MRPS17: variants seen among roughly 807,000 people sequenced by gnomAD.
MRPS17 encodes small ribosomal subunit protein uS17m.
In MRPS17, 6 loss-of-function variants were observed where a neutral mutation model predicts 11.3. The ratio of observed to expected loss-of-function variants is 0.53; its 90% CI spans 0.29 to 1.05. MRPS17 has a LOEUF of 1.05. MRPS17 is among the 50% of genes least tolerant of loss of function. The pLI is 0.08. For synonymous variants in MRPS17, 56 were observed against 60.4 expected, an observed-to-expected ratio of 0.93 and a Z score of 0.34; for missense variants, 139 against 153.6, an observed-to-expected ratio of 0.90 and a Z score of 0.50.
At chr7:55,953,381 C>CA (rs1458315380) in intron 2 of MRPS17, 63 bp downstream of exon 2, 5 of 1,581,332 alleles carry the variant, frequency 3.2e-6, no homozygotes, top group South Asian at 1.2e-5. Context: ...GGGTCCTAAG[C>CA]AAAAAAACAT....
chr7:55,953,953 TC>T (rs2116305007), intron 2 of MRPS17, among the ~76,000 whole-genome samples: 1 of 152,254 alleles, frequency 6.6e-6, no homozygotes, highest in African/African-American at 2.4e-5. Flanking sequence ...GCGGCCCTGT[TC>T]CTAACAGGCC....
chr7:55,955,398 A>C lies in MRPS17; in HGVS notation c.*220A>C. On this transcript the variant is annotated 3_prime_UTR_variant, in exon 3 of 3. Coordinates refer to ENST00000285298, the MANE Select transcript of MRPS17 (RefSeq NM_015969.3). ...TTCAGTGAACATACTTCCACGTTACATTAAGTGTGCCTAGCAGTCTGTTGC... is the reference window on the plus strand; with the variant it reads ...TTCAGTGAACATACTTCCACGTTACCTTAAGTGTGCCTAGCAGTCTGTTGC... 1.7e-6 allele frequency: 1 copy of C among 573,842 alleles called. No homozygotes were observed. The highest frequency in any genetic ancestry group is 3.0e-6 in the Non-Finnish European group (1 of 328,090). 35.5% of individuals were successfully genotyped at this position (573,842 alleles called of 1,614,324 possible).
intron 1 of MRPS17, 68 bp from the exon 2 acceptor site, chr7:55,953,111 G>C: frequency 6.4e-7 from 1 of 1,569,264 alleles, no homozygotes; most frequent in Non-Finnish European, 8.7e-7. Context: ...AACCTGGACA[G>C]TTCTTGTGAC....
rs527256975 is a variant in MRPS17 at position 55,955,002 on chromosome 7, C to T, written c.217C>T (p.Arg73Ter). ...IVLLRALPVPRAKHVKHELAE... is the reference protein window; with the variant it reads ...IVLLRALPVP ...GCTTCTCAGAGCTTTACCTGTTCCA[C>T]GAGCAAAGCATGTGAAACATGAACT... Residue 73 changes from arginine to a stop codon, truncating the protein, a stop_gained, in exon 3 of 3, where the codon CGA (arginine) becomes TGA (stop). Coordinates refer to ENST00000285298, the MANE Select transcript of MRPS17 (RefSeq NM_015969.3). LOFTEE classifies it high-confidence loss of function. 3.7e-6 allele frequency: 6 copies of T among 1,614,086 alleles called. No homozygotes were observed. The highest frequency in any genetic ancestry group is 1.1e-5 in the South Asian group (1 of 91,088).
chr7:55,954,227 T>G (rs894180496), intron 2 of MRPS17, among the ~76,000 whole-genome samples: 3 of 152,106 alleles, frequency 2.0e-5, no homozygotes, highest in Non-Finnish European at 2.9e-5. Context: ...TGGTTTCACA[T>G]CCAAAGTTCA....
chr7:55,954,863 G>A (rs1786703226), intron 2 of MRPS17, 46 bp from the exon 3 acceptor site: 2 of 1,588,544 alleles, frequency 1.3e-6, no homozygotes, highest in Non-Finnish European at 1.7e-6. Context: ...ACATTACCAG[G>A]TCACAGATGG....
chr7:55,955,072 C>T lies in MRPS17; in HGVS notation c.287C>T (p.Thr96Ile). ...FKVGKVIDPVTGKPCAGTTYL... is the reference protein window; with the variant it reads ...FKVGKVIDPVIGKPCAGTTYL... ...GTTGGAAAAGTCATAGATCCAGTGA[C>T]AGGAAAGCCCTGTGCTGGAACTACC... Residue 96 changes from threonine (T) to isoleucine (I), a missense_variant, in exon 3 of 3, where the codon ACA (threonine) becomes ATA (isoleucine). Coordinates refer to ENST00000285298, the MANE Select transcript of MRPS17 (RefSeq NM_015969.3). 1.2e-6 allele frequency: 2 copies of T among 1,614,152 alleles called. No homozygotes were observed. The highest frequency in any genetic ancestry group is 1.7e-6 in the Non-Finnish European group (2 of 1,180,040).
chr7:55,953,090 G>C (rs1786671252), intron 1 of MRPS17, 89 bp from the exon 2 acceptor site: 1 of 1,438,698 alleles, frequency 7.0e-7, no homozygotes, highest in Non-Finnish European at 9.4e-7. Context: ...GAAAAAAACT[G>C]TTTCTGGACT....
chr7:55,956,051 G>C lies in MRPS17; in HGVS notation c.*873G>C, dbSNP rs1209116570. Reference sequence around the variant, plus strand: ...TGGGATTACAGGCCTGAGCCACTGTGCCCAGCCGGTTTCCTTTATTTCATT... The same window carrying C: ...TGGGATTACAGGCCTGAGCCACTGTCCCCAGCCGGTTTCCTTTATTTCATT... On this transcript the variant is annotated 3_prime_UTR_variant, in exon 3 of 3. Transcript: ENST00000285298. 1.3e-5 allele frequency: 2 copies of C among 152,018 alleles called. No individual in the cohort carries two copies. The highest frequency in any genetic ancestry group is 2.9e-5 in the Non-Finnish European group (2 of 68,034). 9.4% of individuals were successfully genotyped at this position (152,018 alleles called of 1,614,324 possible). A position where few individuals can be genotyped will look rare whatever the true frequency, so the allele number is the denominator to read the frequency against.
chr7:55,955,147 T>C lies in MRPS17; in HGVS notation c.362T>C (p.Leu121Pro). 6.2e-7 allele frequency: 1 copy of C among 1,614,156 alleles called. No homozygotes were observed. Among genetic ancestry groups the C allele is most frequent in the East Asian group, 2.2e-5 (1 of 44,874 alleles). ...SSETTQLSKN[L>P]EELNISSAQ ...GAAACCACCCAGCTAAGCAAAAATC[T>C]GGAAGAACTCAATATCTCTTCAGCA... is the stretch of plus-strand genomic sequence containing the variant. Residue 121 changes from leucine (L) to proline (P), a missense_variant, in exon 3 of 3, where the codon CTG (leucine) becomes CCG (proline). Transcript: ENST00000285298.
Position 55,955,008 on chromosome 7 carries a change from A to G in MRPS17, c.223A>G (p.Lys75Glu), listed in dbSNP as rs2116306825. Residue 75 changes from lysine to glutamate, a missense_variant, in exon 3 of 3, where the codon AAG (lysine) becomes GAG (glutamate). By Grantham distance (56) the Lys-to-Glu change is moderately conservative. Transcript: ENST00000285298. The stretch of plus-strand genomic sequence containing the variant: ...CAGAGCTTTACCTGTTCCACGAGCA[A>G]AGCATGTGAAACATGAACTGGCTGA... ...LLRALPVPRAKHVKHELAEIV... is the reference protein window; with the variant it reads ...LLRALPVPRAEHVKHELAEIV... The G allele has an allele frequency of 2.5e-6, 4 of 1,614,144 alleles. No homozygotes were observed. In the East Asian group the frequency reaches 8.9e-5, roughly 36 times the overall value.
Position 55,955,471 on chromosome 7 carries a change from T to A in MRPS17, c.*293T>A, listed in dbSNP as rs574322066. 70 of 330,436 alleles carry A rather than the reference T, an allele frequency of 2.1e-4. No homozygotes were observed. Among genetic ancestry groups the A allele is most frequent in the Middle Eastern group, 2.0e-3 (2 of 980 alleles). The allele number at this position is 330,436 out of a possible 1,614,324, so 20.5% of individuals were successfully genotyped here. A position where few individuals can be genotyped will look rare whatever the true frequency, so the allele number is the denominator to read the frequency against. ...TGTTTTGAGATGGAATCTCACTCTG[T>A]CACCCAGGCTGGAGTGCAGTGGTGC... On this transcript the variant is annotated 3_prime_UTR_variant, in exon 3 of 3. Transcript: ENST00000285298.
chr7:55,952,993 C>T (rs1460937119), intron 1 of MRPS17, among the ~76,000 whole-genome samples, 186 bp from the exon 2 acceptor site: 3 of 152,040 alleles, frequency 2.0e-5, no homozygotes, highest in African/African-American at 7.2e-5. Context: ...GATCGCACCA[C>T]CGCACTCCAG....
Position 55,955,068 on chromosome 7 carries a change from G to C in MRPS17, c.283G>C (p.Val95Leu), listed in dbSNP as rs781487601. The change falls in exon 3 of 3, where the codon GTG (valine) becomes CTG (leucine). Residue 95 changes from valine to leucine, a missense_variant. Physicochemically the swap from Val to Leu is conservative, Grantham distance 32 (BLOSUM62 1). Coordinates refer to ENST00000285298, the MANE Select transcript of MRPS17 (RefSeq NM_015969.3). ...VFKVGKVIDPVTGKPCAGTTY... is the reference protein window; with the variant it reads ...VFKVGKVIDPLTGKPCAGTTY... The stretch of plus-strand genomic sequence containing the variant: ...CAAAGTTGGAAAAGTCATAGATCCA[G>C]TGACAGGAAAGCCCTGTGCTGGAAC... 8.7e-6 allele frequency: 14 copies of C among 1,614,160 alleles called. No individual in the cohort carries two copies. The East Asian group carries it at 3.1e-4, about 36-fold the overall frequency.
intron 1 of MRPS17, among the ~76,000 whole-genome samples, chr7:55,952,906 C>T (rs1441484087): frequency 1.3e-5 from 2 of 151,566 alleles, no homozygotes; most frequent in Non-Finnish European, 2.9e-5. Flanking sequence ...GTGGCGGGCG[C>T]CTGTAGTCCC....
chr7:55,953,212 C>T lies in MRPS17; in HGVS notation c.17C>T (p.Ser6Leu). Residue 6 changes from serine (S) to leucine (L), a missense_variant, in exon 2 of 3, where the codon TCA becomes TTA. By Grantham distance (145) the Ser-to-Leu change is moderately radical (BLOSUM62 -2). Transcript: ENST00000285298. ...AGCCACGTAATGTCCGTAGTTCGCTCATCCGTCCATGCCAGATGGATTGTG... is the reference window on the plus strand; with the variant it reads ...AGCCACGTAATGTCCGTAGTTCGCTTATCCGTCCATGCCAGATGGATTGTG... Reference protein sequence around the residue: MSVVRSSVHARWIVGK... With the variant: MSVVRLSVHARWIVGK... 2.5e-6 allele frequency: 4 copies of T among 1,614,150 alleles called. No homozygotes were observed. Among genetic ancestry groups the T allele is most frequent in the Non-Finnish European group, 3.4e-6 (4 of 1,180,022 alleles).
At chr7:55,952,238 G>A (rs1239996491) in intron 1 of MRPS17, 2 of 152,332 alleles carry the variant, frequency 1.3e-5, no homozygotes, top group African/African-American at 4.8e-5. Context: ...GCGGGGTGGA[G>A]AGAGATAAGG....
rs535223821 is a variant in MRPS17, at chr7:55,956,202, G to A, written c.*1024G>A. On this transcript the variant is annotated 3_prime_UTR_variant, in exon 3 of 3. Coordinates refer to ENST00000285298, the MANE Select transcript of MRPS17 (RefSeq NM_015969.3). ...CAATGGCATGATCTCAGCCCACCAC[G>A]ACCTCCGCCTCCCAGGTTCAAGTGA... The A allele has an allele frequency of 6.6e-6, 1 of 151,162 alleles. No individual in the cohort carries two copies. The highest frequency in any genetic ancestry group is 2.1e-4 in the South Asian group (1 of 4,774). The allele number at this position is 151,162 out of a possible 1,614,324, so 9.4% of individuals were successfully genotyped here. A position where few individuals can be genotyped will look rare whatever the true frequency, so the allele number is the denominator to read the frequency against.
In MRPS17 at chr7:55,955,500, C is replaced by T. The variant is rs1270190844; in HGVS notation, c.*322C>T. On this transcript the variant is annotated 3_prime_UTR_variant, in exon 3 of 3. Coordinates refer to ENST00000285298, the MANE Select transcript of MRPS17 (RefSeq NM_015969.3). Reference sequence around the variant, plus strand: ...CCAGGCTGGAGTGCAGTGGTGCAATCTTGGCTCACTGCAAGCTCCGCCTCC... The same window carrying T: ...CCAGGCTGGAGTGCAGTGGTGCAATTTTGGCTCACTGCAAGCTCCGCCTCC... 1 of 236,700 alleles carries T rather than the reference C, an allele frequency of 4.2e-6. No individual in the cohort carries two copies. Among genetic ancestry groups the T allele is most frequent in the East Asian group, 1.2e-4 (1 of 8,008 alleles). The allele number at this position is 236,700 out of a possible 1,614,324, so 14.7% of individuals were successfully genotyped here.
Sources: gnomAD v4.1 joint callset for allele counts (sites outside exome capture counted in the v4.1 genomes callset) on GRCh38, gnomAD v4.1.1 for gene constraint, MANE v1.5 for transcripts, NCBI Gene and HGNC (gene_info 2026-07-23, HGNC 2026-07-21) for gene names.